The following PALLD variants were observed in gnomAD, a reference collection of about 807,000 sequenced individuals.
The protein encoded by PALLD is palladin, cytoskeletal associated protein.
A neutral mutation model predicts 123.5 loss-of-function variants in PALLD; 61 were observed. The observed-to-expected ratio is 0.49, with a 90% confidence interval of 0.40 to 0.61. PALLD has a LOEUF of 0.61. Among genes scored for constraint, PALLD ranks in the 20% least tolerant of loss-of-function variants. The pLI is 0.00. For missense variants in PALLD, 1,273 were observed against 1,377.0 expected (o/e 0.92, Z 1.20); for synonymous variants, 465 against 496.4 (o/e 0.94, Z 0.84).
intron 10 of PALLD, among the ~76,000 whole-genome samples, chr4:168,881,147 C>T (rs887014159): frequency 1.3e-5 from 2 of 152,242 alleles, no homozygotes; most frequent in Admixed American, 6.5e-5. Flanking sequence ...TCAGGTGATC[C>T]GCCTGCCTTG....
chr4:168,909,751 A>G (rs766571134), intron 15 of PALLD, among the ~76,000 whole-genome samples: 4 of 152,306 alleles, frequency 2.6e-5, no homozygotes, highest in Non-Finnish European at 4.4e-5. Context: ...AAAATCACTT[A>G]TTGCTAATTC....
chr4:168,878,096 T>C, intron 10 of PALLD: 1 of 1,442,980 alleles, frequency 6.9e-7, no homozygotes, highest in Non-Finnish European at 9.0e-7. Context: ...CGTGCCGCCC[T>C]TCGCGCAGCC....
intron 10 of PALLD, among the ~76,000 whole-genome samples, chr4:168,772,439 C>T (rs957906263): frequency 1.3e-5 from 2 of 152,120 alleles, no homozygotes; most frequent in Non-Finnish European, 2.9e-5. Flanking sequence ...AGTACTAAAC[C>T]TCCTCAAAAA....
intron 10 of PALLD, among the ~76,000 whole-genome samples, chr4:168,881,247 T>C (rs1752566356): frequency 6.6e-6 from 1 of 152,160 alleles, no homozygotes; most frequent in South Asian, 2.1e-4. Flanking sequence ...TGCTGTTTTA[T>C]TCTGTTTGTT....
chr4:168,827,101 TG>T (rs1743519445), intron 10 of PALLD, among the ~76,000 whole-genome samples: 1 of 152,262 alleles, frequency 6.6e-6, no homozygotes, highest in South Asian at 2.1e-4. Flanking sequence ...TGATGTCCAC[TG>T]GGTTCTAGTT....
chr4:168,520,764 G>A (rs999699190), intron 2 of PALLD, among the ~76,000 whole-genome samples: 1 of 152,154 alleles, frequency 6.6e-6, no homozygotes, highest in Non-Finnish European at 1.5e-5. Context: ...ATAACACCAT[G>A]ATGTTATGAA....
At chr4:168,877,831 C>A (rs1487153655) in intron 10 of PALLD, 2 of 1,310,742 alleles carry the variant, frequency 1.5e-6, no homozygotes, top group South Asian at 2.2e-5. Context: ...CGCCCCCCTT[C>A]CCGCCGCCGC....
intron 2 of PALLD, among the ~76,000 whole-genome samples, chr4:168,568,218 G>C (rs1009972853): frequency 6.6e-6 from 1 of 152,016 alleles, no homozygotes; most frequent in Non-Finnish European, 1.5e-5. Flanking sequence ...TAGTGATAAA[G>C]AGAAAATTAG....
At chr4:168,608,623 T>C (rs1412982259) in intron 2 of PALLD, among the ~76,000 whole-genome samples, 1 of 152,202 alleles carries the variant, frequency 6.6e-6, no homozygotes, top group African/African-American at 2.4e-5. Context: ...CAAACTGTCT[T>C]TTCTCTTAAT....
At chr4:168,888,637 C>T (rs115250148) in intron 10 of PALLD, among the ~76,000 whole-genome samples, 251 of 152,274 alleles carry the variant, frequency 1.6e-3, no homozygotes, top group African/African-American at 5.8e-3. Flanking sequence ...CACCTCCACC[C>T]TCTGACTACC....
At chr4:168,647,057 CAG>C (rs1305474361) in intron 2 of PALLD, among the ~76,000 whole-genome samples, 1 of 152,120 alleles carries the variant, frequency 6.6e-6, no homozygotes, top group Non-Finnish European at 1.5e-5. Context: ...AAAGAAAAAA[CAG>C]AAATAAAAAT....
chr4:168,913,535 G>A (rs1456206300), intron 15 of PALLD, among the ~76,000 whole-genome samples: 1 of 152,040 alleles, frequency 6.6e-6, no homozygotes, highest in African/African-American at 2.4e-5. Flanking sequence ...GGCTACAGCT[G>A]GTAGATGACC....
chr4:168,709,752 G>C (rs918795101), intron 9 of PALLD, among the ~76,000 whole-genome samples: 1 of 151,938 alleles, frequency 6.6e-6, no homozygotes, highest in Non-Finnish European at 1.5e-5. Flanking sequence ...TGAAACAAAG[G>C]CTTTAGGGGA....
intron 10 of PALLD, among the ~76,000 whole-genome samples, chr4:168,851,587 C>T (rs941653113): frequency 3.0e-4 from 45 of 152,026 alleles, no homozygotes; most frequent in African/African-American, 1.1e-3. Flanking sequence ...AGGCTGGTCT[C>T]GAACTCCTGA....
intron 10 of PALLD, among the ~76,000 whole-genome samples, chr4:168,810,814 CAA>C (rs756218492): frequency 1.6e-5 from 1 of 62,476 alleles, no homozygotes. Flanking sequence ...GACTCCGTCT[CAA>C]AAAAAAAAAA....
intron 17 of PALLD, among the ~76,000 whole-genome samples, chr4:168,917,199 C>T (rs1760347518): frequency 6.6e-6 from 1 of 151,620 alleles, no homozygotes; most frequent in Non-Finnish European, 1.5e-5. Context: ...CAGGCACGCA[C>T]CACCACGCCC....
chr4:168,635,760 G>C (rs533802059), intron 2 of PALLD, among the ~76,000 whole-genome samples: 1 of 152,318 alleles, frequency 6.6e-6, no homozygotes, highest in South Asian at 2.1e-4. Flanking sequence ...ATGGTTGCTG[G>C]TCTGTGATCC....
chr4:168,498,526 G>C (rs1193809667), intron 1 of PALLD, among the ~76,000 whole-genome samples: 1 of 152,164 alleles, frequency 6.6e-6, no homozygotes, highest in Non-Finnish European at 1.5e-5. Context: ...ATACCAAGTG[G>C]AATCTGCAAG....
intron 3 of PALLD, among the ~76,000 whole-genome samples, chr4:168,680,516 A>G (rs1051605292): frequency 7.1e-6 from 1 of 141,792 alleles, no homozygotes; most frequent in Non-Finnish European, 1.5e-5. Context: ...AAAAACACTT[A>G]TCTGGAACAA....
Sources: allele counts gnomAD v4.1 joint callset (sites outside exome capture counted in the v4.1 genomes callset), GRCh38; gene constraint gnomAD v4.1.1; transcripts MANE v1.5; gene names NCBI Gene and HGNC (gene_info 2026-07-23, HGNC 2026-07-21).